The following RBKS variants were observed in gnomAD, a reference collection of about 807,000 sequenced individuals.
RBKS encodes the protein ribokinase.
A neutral mutation model predicts 33.9 loss-of-function variants in RBKS; 33 were observed. The ratio of observed to expected loss-of-function variants is 0.97; its 90% CI spans 0.74 to 1.30. The LOEUF (loss-of-function observed/expected upper bound fraction) is 1.30, where lower values mean the gene tolerates loss of function less well. Among genes scored for constraint, RBKS ranks in the 50% most tolerant of loss-of-function variants. RBKS has a pLI of 0.00. For missense variants in RBKS, 361 were observed against 392.6 expected (o/e 0.92, Z 0.68); for synonymous variants, 125 against 143.0 (o/e 0.87, Z 0.90).
At chr2:27,822,478 G>T (rs1678231268) in intron 7 of RBKS, among the ~76,000 whole-genome samples, 1 of 152,200 alleles carries the variant, frequency 6.6e-6, no homozygotes. Flanking sequence ...CAGCCGGGAT[G>T]GCCGCGGGCC....
rs184345879 is a variant in RBKS, at chr2:27,851,608, C to T, written c.223-3511G>A. On this transcript the variant is annotated intron_variant, in intron 2 of 7. Transcript: ENST00000302188. Reference sequence around the variant, plus strand: ...AGCTGGAGTGCAATGGTGCGATCTCCGCTCACTGCAACCTCTGCCTCTTGG... The same window carrying T: ...AGCTGGAGTGCAATGGTGCGATCTCTGCTCACTGCAACCTCTGCCTCTTGG... Among the ~76,000 whole-genome samples, 57 of 151,994 alleles carry T rather than the reference C, an allele frequency of 3.8e-4. No homozygotes were observed. In the East Asian group the frequency reaches 0.01, roughly 27 times the overall value.
intron 7 of RBKS, among the ~76,000 whole-genome samples, chr2:27,825,077 C>CAGTG (rs1678284722): frequency 6.6e-6 from 1 of 151,550 alleles, no homozygotes; most frequent in African/African-American, 2.4e-5. Flanking sequence ...GCAGAGGTTG[C>CAGTG]AGTGAGCCAA....
chr2:27,786,294 T>C (rs1454846362), intron 7 of RBKS, among the ~76,000 whole-genome samples: 1 of 152,170 alleles, frequency 6.6e-6, no homozygotes, highest in Non-Finnish European at 1.5e-5. Context: ...ATAATATTTT[T>C]CCAAAAAAGT....
intron 7 of RBKS, among the ~76,000 whole-genome samples, chr2:27,806,768 TCTTAAA>T (rs912555018): frequency 1.3e-4 from 20 of 152,350 alleles, no homozygotes; most frequent in Admixed American, 7.8e-4. Flanking sequence ...AGTCAGTGAT[TCTTAAA>T]CTTGAGCATG....
At chr2:27,801,357 C>T (rs1208235571) in intron 7 of RBKS, among the ~76,000 whole-genome samples, 1 of 151,920 alleles carries the variant, frequency 6.6e-6, no homozygotes, top group African/African-American at 2.4e-5. Context: ...GGCATGCATT[C>T]CCAACTGGGG....
Position 27,827,638 on chromosome 2 carries a change from C to T in RBKS, c.724G>A (p.Val242Met), listed in dbSNP as rs1678338611. 1.2e-6 allele frequency: 2 copies of T among 1,613,732 alleles called. No individual in the cohort carries two copies. Among genetic ancestry groups the T allele is most frequent in the Admixed American group, 3.3e-5 (2 of 59,926 alleles). Residue 242 changes from valine (V) to methionine (M), a missense_variant, in exon 7 of 8, where the codon GTG becomes ATG. By Grantham distance (21) the Val-to-Met change is conservative. Transcript: ENST00000302188. ...VIITLGAEGC[V>M]VLSQTEPEPK... ...TCAGGTTCTGTCTGTGACAGCACCA[C>T]ACATCCTTCAGCCCCTAAGGTAATG...
intron 3 of RBKS, among the ~76,000 whole-genome samples, chr2:27,847,541 A>G (rs1234487063): frequency 2.0e-5 from 3 of 152,224 alleles, no homozygotes; most frequent in African/African-American, 4.8e-5. Flanking sequence ...TCTGGCATAT[A>G]AACAGAAATG....
chr2:27,870,822 G>C (rs964545562), intron 1 of RBKS: 3 of 465,206 alleles, frequency 6.4e-6, no homozygotes, highest in South Asian at 4.6e-5. Context: ...GCAAAGACTT[G>C]AACAGTTCTG....
At chr2:27,829,772 A>G (rs1678385524) in intron 6 of RBKS, among the ~76,000 whole-genome samples, 1 of 152,196 alleles carries the variant, frequency 6.6e-6, no homozygotes, top group African/African-American at 2.4e-5. Context: ...TTCTGGGGCT[A>G]CTGCCAGTCC....
At chr2:27,820,549 T>TTCTCTCTC (rs10534268) in intron 7 of RBKS, among the ~76,000 whole-genome samples, 19 of 147,862 alleles carry the variant, frequency 1.3e-4, no homozygotes, top group South Asian at 2.1e-4. Flanking sequence ...AGATTTACTA[T>TTCTCTCTC]TCTCTCTCTC....
chr2:27,867,238 G>A (rs571569622), intron 1 of RBKS, among the ~76,000 whole-genome samples: 1 of 152,142 alleles, frequency 6.6e-6, no homozygotes, highest in African/African-American at 2.4e-5. Flanking sequence ...GTGATCTCTG[G>A]ATGCTCACTA....
chr2:27,846,629 A>C (rs752843429), intron 4 of RBKS, among the ~76,000 whole-genome samples: 3 of 152,248 alleles, frequency 2.0e-5, no homozygotes, highest in Non-Finnish European at 2.9e-5. Context: ...CTCAGAACAT[A>C]TTCTATAAAT....
chr2:27,881,063 C>CAAACA (rs1481374502), intron 1 of RBKS, among the ~76,000 whole-genome samples: 3 of 147,806 alleles, frequency 2.0e-5, no homozygotes, highest in African/African-American at 7.6e-5. Flanking sequence ...ACCAACCAAC[C>CAAACA]AACAAACAAA....
intron 1 of RBKS, among the ~76,000 whole-genome samples, chr2:27,867,725 G>A (rs953424470): frequency 3.3e-5 from 5 of 152,192 alleles, no homozygotes; most frequent in Non-Finnish European, 1.5e-5. Flanking sequence ...ATAGGGAGGT[G>A]GGGAATGAGC....
At chr2:27,789,965 A>ATATG (rs1286224892) in intron 7 of RBKS, among the ~76,000 whole-genome samples, 1 of 137,566 alleles carries the variant, frequency 7.3e-6, no homozygotes, top group Non-Finnish European at 1.5e-5. Context: ...ATATATATAT[A>ATATG]TATATATGTA....
At chr2:27,876,232 C>A (rs1053767507) in intron 1 of RBKS, among the ~76,000 whole-genome samples, 1 of 152,106 alleles carries the variant, frequency 6.6e-6, no homozygotes, top group Non-Finnish European at 1.5e-5. Flanking sequence ...GTAGAAGCAA[C>A]CCAAATGTCC....
At position 27,876,073 on chromosome 2, in the gene RBKS, T is replaced by C. The variant is rs565926066; in HGVS notation, c.89+14184A>G. ...AGTGTTGCTGTTATGGAAAACAATA[T>C]GGTGGGTCCTCAAAAAAATTAAACA... On this transcript the variant is annotated intron_variant, in intron 1 of 7. Transcript: ENST00000302188. Among the ~76,000 whole-genome samples the C allele has an allele frequency of 2.0e-5, 3 of 152,228 alleles. No homozygotes were observed. The South Asian group carries it at 6.2e-4, about 32-fold the overall frequency.
intron 7 of RBKS, among the ~76,000 whole-genome samples, chr2:27,789,292 T>C (rs769702654): frequency 5.3e-5 from 8 of 152,178 alleles, no homozygotes; most frequent in Non-Finnish European, 1.2e-4. Flanking sequence ...ATTTGCATTA[T>C]ACTCACTGGT....
chr2:27,872,716 T>C (rs1280444712), intron 1 of RBKS, among the ~76,000 whole-genome samples: 3 of 151,968 alleles, frequency 2.0e-5, no homozygotes, highest in African/African-American at 7.3e-5. Flanking sequence ...CAACAAGAAA[T>C]TGTCAAATCC....
Sources: gnomAD v4.1 joint callset for allele counts (sites outside exome capture counted in the v4.1 genomes callset) on GRCh38, gnomAD v4.1.1 for gene constraint, MANE v1.5 for transcripts, NCBI Gene and HGNC (gene_info 2026-07-23, HGNC 2026-07-21) for gene names.